SORCS3: variants seen among roughly 807,000 people sequenced by gnomAD.
The protein encoded by SORCS3 is sortilin related VPS10 domain containing receptor 3, also known as VPS10 domain-containing receptor SorCS3.
A neutral mutation model predicts 146.3 loss-of-function variants in SORCS3; 57 were observed. The observed-to-expected ratio is 0.39, with a 90% confidence interval of 0.31 to 0.49. The LOEUF (loss-of-function observed/expected upper bound fraction) is 0.49. Among genes scored for constraint, SORCS3 ranks in the 20% least tolerant of loss-of-function variants. The pLI is 0.92. For synonymous variants in SORCS3, 653 were observed against 618.5 expected (o/e 1.06, Z -0.83); for missense variants, 1,341 against 1,575.5 (o/e 0.85, Z 2.52).
rs117608999 is a variant in SORCS3 at position 104,778,490 on chromosome 10, A to G, written c.628-64302A>G. Among the ~76,000 whole-genome samples the G allele has an allele frequency of 8.5e-5, 13 of 152,322 alleles. No individual in the cohort carries two copies. In the East Asian group the frequency reaches 2.5e-3, roughly 29 times the overall value. On this transcript the variant is annotated intron_variant, in intron 1 of 26. Coordinates refer to ENST00000369701, the MANE Select transcript of SORCS3 (RefSeq NM_014978.3). Reference sequence around the variant, plus strand: ...CAAGTCACTTATTCTTCCAGCCTGCATTGTCTCATTCTCAAAGAGGAATGA... The same window carrying G: ...CAAGTCACTTATTCTTCCAGCCTGCGTTGTCTCATTCTCAAAGAGGAATGA...
At chr10:105,113,924 G>A (rs1251269040) in intron 7 of SORCS3, among the ~76,000 whole-genome samples, 1 of 152,118 alleles carries the variant, frequency 6.6e-6, no homozygotes, top group African/African-American at 2.4e-5. Context: ...CCTCTGTAGG[G>A]GCAGGGGAAA....
intron 4 of SORCS3, among the ~76,000 whole-genome samples, chr10:105,028,239 C>T (rs2055243592): frequency 6.6e-6 from 1 of 152,202 alleles, no homozygotes; most frequent in Non-Finnish European, 1.5e-5. Flanking sequence ...TTCTTATTCT[C>T]TGCTGTTTTC....
chr10:105,079,496 T>TA (rs1482020677), intron 5 of SORCS3, among the ~76,000 whole-genome samples: 1 of 152,214 alleles, frequency 6.6e-6, no homozygotes, highest in Non-Finnish European at 1.5e-5. Context: ...TATCTTGAGA[T>TA]ACGGCAGGGT....
intron 4 of SORCS3, among the ~76,000 whole-genome samples, chr10:105,041,070 T>C (rs1233724562): frequency 2.5e-5 from 3 of 119,344 alleles, no homozygotes; most frequent in Non-Finnish European, 3.5e-5. Context: ...TAAATATATA[T>C]GTATGTATGT....
At chr10:105,238,031 C>T (rs2056803160) in intron 20 of SORCS3, among the ~76,000 whole-genome samples, 1 of 152,170 alleles carries the variant, frequency 6.6e-6, no homozygotes. Flanking sequence ...TTCTCCATAC[C>T]TTCAAGGAGA....
intron 3 of SORCS3, among the ~76,000 whole-genome samples, chr10:104,918,932 A>G (rs1199179675): frequency 1.3e-5 from 2 of 152,150 alleles, no homozygotes; most frequent in East Asian, 3.9e-4. Flanking sequence ...TCTGTCATGT[A>G]TGTTTCCTCT....
intron 1 of SORCS3, among the ~76,000 whole-genome samples, chr10:104,721,700 A>G (rs1251540849): frequency 2.6e-5 from 4 of 152,118 alleles, no homozygotes; most frequent in East Asian, 1.9e-4. Flanking sequence ...CACGTCCCTT[A>G]TAAGTTGGAT....
intron 2 of SORCS3, among the ~76,000 whole-genome samples, chr10:104,870,652 C>T (rs1009029109): frequency 6.6e-6 from 1 of 152,030 alleles, no homozygotes; most frequent in Non-Finnish European, 1.5e-5. Context: ...TCAGGATAAC[C>T]AGGGGAGTGG....
Position 104,980,648 on chromosome 10 carries a change from T to A in SORCS3, c.954+3155T>A, listed in dbSNP as rs570704515. On this transcript the variant is annotated intron_variant, in intron 4 of 26. Coordinates refer to ENST00000369701, the MANE Select transcript of SORCS3 (RefSeq NM_014978.3). ...ATGTTTGTGGTGAGGAGTGAATCGA[T>A]GTTTCCATTATTGTGCCTTTGATGA... Among the ~76,000 whole-genome samples, 36 of 152,334 alleles carry A rather than the reference T, an allele frequency of 2.4e-4. 1 individual carries two copies. In the South Asian group the frequency reaches 7.3e-3, roughly 31 times the overall value.
chr10:104,979,969 C>T (rs1209558463), intron 4 of SORCS3, among the ~76,000 whole-genome samples: 1 of 152,168 alleles, frequency 6.6e-6, no homozygotes, highest in Non-Finnish European at 1.5e-5. Flanking sequence ...CAACAGACTA[C>T]TCATACCAAG....
At chr10:105,237,298 TA>T (rs540936144) in intron 20 of SORCS3, among the ~76,000 whole-genome samples, 245 of 152,298 alleles carry the variant, frequency 1.6e-3, no homozygotes, top group African/African-American at 5.7e-3. Context: ...GTCTCAGTTT[TA>T]TTGTTGGTAA....
intron 3 of SORCS3, among the ~76,000 whole-genome samples, chr10:104,933,356 A>G (rs1187038336): frequency 6.6e-6 from 1 of 151,418 alleles, no homozygotes; most frequent in Admixed American, 6.6e-5. Context: ...AGGTTCTGGC[A>G]TCACACCCAG....
chr10:104,966,258 G>A (rs752665945), intron 3 of SORCS3, among the ~76,000 whole-genome samples: 3 of 151,942 alleles, frequency 2.0e-5, no homozygotes. Context: ...ACCACTGTTC[G>A]AAGAATGAAT....
At chr10:104,697,630 G>A (rs964227129) in intron 1 of SORCS3, among the ~76,000 whole-genome samples, 2 of 152,122 alleles carry the variant, frequency 1.3e-5, no homozygotes, top group Admixed American at 1.3e-4. Context: ...TGGGGCATGG[G>A]CTTTGATCTG....
intron 1 of SORCS3, among the ~76,000 whole-genome samples, chr10:104,755,386 A>G (rs1173821186): frequency 6.6e-6 from 1 of 152,222 alleles, no homozygotes; most frequent in Non-Finnish European, 1.5e-5. Context: ...CCATATGTGA[A>G]TTTTCTTGAG....
At chr10:105,064,849 G>A (rs1022283754) in intron 5 of SORCS3, among the ~76,000 whole-genome samples, 1 of 152,112 alleles carries the variant, frequency 6.6e-6, no homozygotes, top group Non-Finnish European at 1.5e-5. Flanking sequence ...CAGTCCACTG[G>A]CTCACACGCC....
intron 1 of SORCS3, among the ~76,000 whole-genome samples, chr10:104,704,109 G>T (rs1229120780): frequency 1.3e-5 from 2 of 151,798 alleles, no homozygotes; most frequent in Admixed American, 1.3e-4. Context: ...GAGGCCTTTT[G>T]GCCAGTTTTG....
chr10:105,056,973 A>C (rs2055449949), intron 5 of SORCS3, among the ~76,000 whole-genome samples: 1 of 152,188 alleles, frequency 6.6e-6, no homozygotes, highest in African/African-American at 2.4e-5. Context: ...AGTTTGCTGC[A>C]TATGTACATA....
At chr10:104,890,205 A>G (rs1425854649) in intron 2 of SORCS3, among the ~76,000 whole-genome samples, 5 of 151,982 alleles carry the variant, frequency 3.3e-5, no homozygotes, top group East Asian at 1.9e-4. Flanking sequence ...TATAGTTTTC[A>G]CCAGGTTTTG....
Sources: allele counts gnomAD v4.1 joint callset (sites outside exome capture counted in the v4.1 genomes callset), GRCh38; gene constraint gnomAD v4.1.1; transcripts MANE v1.5; gene names NCBI Gene and HGNC (gene_info 2026-07-23, HGNC 2026-07-21).